The following RPGRIP1L variants were observed in gnomAD, a reference collection of about 807,000 sequenced individuals.
The protein encoded by RPGRIP1L is protein fantom.
A neutral mutation model predicts 160.4 loss-of-function variants in RPGRIP1L; 131 were observed. That is an observed-to-expected ratio of 0.82 (90% confidence interval 0.71 to 0.94). The LOEUF (loss-of-function observed/expected upper bound fraction) is 0.94. Ranked by LOEUF, RPGRIP1L falls within the 40% of genes least tolerant of loss-of-function variation. The pLI is 0.00. For missense variants in RPGRIP1L, 1,522 were observed against 1,535.8 expected, an observed-to-expected ratio of 0.99 and a Z score of 0.15; for synonymous variants, 510 against 515.8, an observed-to-expected ratio of 0.99 and a Z score of 0.15.
At chr16:53,688,086 T>A (rs1056218938) in intron 4 of RPGRIP1L, 121 bp from the exon 5 acceptor site, 3 of 673,082 alleles carry the variant, frequency 4.5e-6, no homozygotes, top group African/African-American at 1.8e-5. Flanking sequence ...ATGTGTTTTA[T>A]AGTACACAGA....
chr16:53,676,915 G>C (rs1969227450), intron 6 of RPGRIP1L, among the ~76,000 whole-genome samples: 1 of 152,088 alleles, frequency 6.6e-6, no homozygotes. Context: ...TTACAGGTGT[G>C]AGCCACTGTA....
Position 53,652,840 on chromosome 16 carries a change from A to G in RPGRIP1L, c.1847T>C (p.Phe616Ser). The change falls in exon 15 of 27, where the codon TTT becomes TCT. Residue 616 changes from phenylalanine to serine, a missense_variant. Coordinates refer to ENST00000647211, the MANE Select transcript of RPGRIP1L (RefSeq NM_015272.5). Reference protein sequence around the residue: ...LFEIHINKVTFSSEVLQASGD... With the variant: ...LFEIHINKVTSSSEVLQASGD... ...AGATGCCTGTAAAACTTCAGAAGAAAAGGTTACTTTGTTGATATGGATTTC... is the reference window on the plus strand; with the variant it reads ...AGATGCCTGTAAAACTTCAGAAGAAGAGGTTACTTTGTTGATATGGATTTC... 6.2e-7 allele frequency: 1 copy of G among 1,613,394 alleles called. No individual in the cohort carries two copies. Among genetic ancestry groups the G allele is most frequent in the Non-Finnish European group, 8.5e-7 (1 of 1,179,770 alleles).
intron 24 of RPGRIP1L, among the ~76,000 whole-genome samples, chr16:53,615,352 C>G (rs1964295948): frequency 6.6e-6 from 1 of 151,446 alleles, no homozygotes; most frequent in Non-Finnish European, 1.5e-5. Flanking sequence ...ATTCTCTGAG[C>G]AAAATTTTCA....
chr16:53,677,720 G>C (rs892778172), intron 6 of RPGRIP1L, among the ~76,000 whole-genome samples: 8 of 152,168 alleles, frequency 5.3e-5, no homozygotes, highest in Admixed American at 4.6e-4. Context: ...GCAACACGGA[G>C]CTAGGGTGTT....
chr16:53,649,228 A>C, intron 15 of RPGRIP1L, 113 bp from the exon 16 acceptor site: 2 of 824,826 alleles, frequency 2.4e-6, no homozygotes, highest in South Asian at 3.3e-5. Flanking sequence ...ATGCTGAGTA[A>C]AATAATATGA....
intron 25 of RPGRIP1L, among the ~76,000 whole-genome samples, chr16:53,608,540 C>A (rs891118438): frequency 4.6e-5 from 7 of 152,112 alleles, no homozygotes; most frequent in Non-Finnish European, 8.8e-5. Flanking sequence ...CAATATGTTA[C>A]CTCCCTTTTA....
intron 16 of RPGRIP1L, 69 bp downstream of exon 16, chr16:53,648,895 G>A (rs1176862849): frequency 2.4e-5 from 34 of 1,400,874 alleles, no homozygotes; most frequent in Non-Finnish European, 3.4e-5. Flanking sequence ...TTAGTTTAAA[G>A]CACGACACAT....
rs188811890 is a variant in RPGRIP1L at position 53,600,744 on chromosome 16, G to T, written c.*1332C>A. ...TATTCCATCTTCTTGCCATTAGCAG[G>T]CTTTGAATGTTCACAAATAGGAGCA... On this transcript the variant is annotated 3_prime_UTR_variant, in exon 27 of 27. Transcript: ENST00000647211. 2 of 152,566 alleles carry T rather than the reference G, an allele frequency of 1.3e-5. No homozygotes were observed. The highest frequency in any genetic ancestry group is 1.3e-4 in the Admixed American group (2 of 15,286). The allele number at this position is 152,566 out of a possible 1,614,324, so 9.5% of individuals were successfully genotyped here. A position where few individuals can be genotyped will look rare whatever the true frequency, so the allele number is the denominator to read the frequency against.
intron 17 of RPGRIP1L, among the ~76,000 whole-genome samples, chr16:53,642,232 G>A (rs1164538543): frequency 6.6e-6 from 1 of 151,476 alleles, no homozygotes; most frequent in Non-Finnish European, 1.5e-5. Context: ...GCCCAGGCTG[G>A]AGTGCAGTGA....
At position 53,652,612 on chromosome 16, in the gene RPGRIP1L, G is replaced by A; in HGVS notation, c.2075C>T (p.Thr692Ile). ...AAATTTTAATTGACATGCTGCAATT[G>A]TTTCATATTCTGTGCTATAAGCCTG... ...VHQAYSTEYE[T>I]IAACQLKFHE... Residue 692 changes from threonine to isoleucine, a missense_variant, in exon 15 of 27, where the codon ACA becomes ATA. Physicochemically the swap from Thr to Ile is moderately conservative, Grantham distance 89 (BLOSUM62 -1). Coordinates refer to ENST00000647211, the MANE Select transcript of RPGRIP1L (RefSeq NM_015272.5). 1 of 1,613,808 alleles carries A rather than the reference G, an allele frequency of 6.2e-7. No homozygotes were observed. The highest frequency in any genetic ancestry group is 8.5e-7 in the Non-Finnish European group (1 of 1,179,794).
intron 3 of RPGRIP1L, chr16:53,693,205 A>G (rs1970505385): frequency 1.3e-5 from 2 of 152,254 alleles, no homozygotes; most frequent in Non-Finnish European, 2.9e-5. Flanking sequence ...ACACAAGTTC[A>G]AGACTTTACA....
intron 23 of RPGRIP1L, among the ~76,000 whole-genome samples, chr16:53,621,985 T>C (rs1427458720): frequency 8.3e-6 from 1 of 120,744 alleles, no homozygotes; most frequent in Admixed American, 1.1e-4. Flanking sequence ...ATTGCGTTAC[T>C]GCACTCCAGC....
At chr16:53,669,091 GTA>G (rs887849340) in intron 9 of RPGRIP1L, among the ~76,000 whole-genome samples, 1 of 152,192 alleles carries the variant, frequency 6.6e-6, no homozygotes, top group African/African-American at 2.4e-5. Flanking sequence ...CAAACAGGGA[GTA>G]TGTGCAGTTT....
At chr16:53,637,625 A>T in intron 21 of RPGRIP1L, 70 bp downstream of exon 21, 1 of 1,345,710 alleles carries the variant, frequency 7.4e-7, no homozygotes, top group Non-Finnish European at 1.1e-6. Flanking sequence ...ATGTTCTATG[A>T]TGCATACTCT....
At chr16:53,645,374 T>A (rs1222814486) in intron 17 of RPGRIP1L, among the ~76,000 whole-genome samples, 1 of 151,932 alleles carries the variant, frequency 6.6e-6, no homozygotes, top group East Asian at 1.9e-4. Flanking sequence ...TTTAATTGAA[T>A]TAAATATTTA....
In RPGRIP1L at chr16:53,664,970, C is replaced by G. The variant is rs949199630; in HGVS notation, c.1143G>C (p.Lys381Asn). The change falls in exon 10 of 27, where the codon AAG (lysine) becomes AAC (asparagine). Residue 381 changes from lysine to asparagine, a missense_variant. Transcript: ENST00000647211. ...CAATCTGCACTTTCAGCTGTTGCTC[C>G]TTTAACTTCCATTGCTCTTCATGGG... ...SAAHEEQWKL[K>N]EQQLKVQIAQ... 3.1e-6 allele frequency: 5 copies of G among 1,613,524 alleles called. No homozygotes were observed. In the African/African-American group the frequency reaches 4.0e-5, roughly 13 times the overall value.
chr16:53,654,453 G>A (rs576377268), intron 14 of RPGRIP1L, among the ~76,000 whole-genome samples: 10 of 152,256 alleles, frequency 6.6e-5, no homozygotes, highest in African/African-American at 2.4e-4. Flanking sequence ...ACTTAGTAGT[G>A]AATTCTGTCA....
intron 26 of RPGRIP1L, among the ~76,000 whole-genome samples, chr16:53,605,211 C>T (rs1963600324): frequency 6.6e-6 from 1 of 151,562 alleles, no homozygotes; most frequent in Non-Finnish European, 1.5e-5. Flanking sequence ...TTTTTTCACG[C>T]CTTCACTCAA....
intron 25 of RPGRIP1L, among the ~76,000 whole-genome samples, chr16:53,610,289 G>A (rs1346037105): frequency 2.6e-5 from 4 of 151,640 alleles, no homozygotes; most frequent in African/African-American, 9.7e-5. Context: ...GAATTGCAAG[G>A]TATCCTATTT....
Sources: allele counts gnomAD v4.1 joint callset (sites outside exome capture counted in the v4.1 genomes callset), GRCh38; gene constraint gnomAD v4.1.1; transcripts MANE v1.5; gene names NCBI Gene and HGNC (gene_info 2026-07-23, HGNC 2026-07-21).